The following TNNI3K variants were observed in gnomAD, a reference collection of about 807,000 sequenced individuals.
TNNI3K encodes the protein TNNI3 interacting kinase, also known as serine/threonine-protein kinase TNNI3K.
TNNI3K carries 140 observed loss-of-function variants against 114.5 expected under a neutral mutation model. That is an observed-to-expected ratio of 1.22 (90% CI 1.07 to 1.41). The LOEUF is 1.41. Ranked by LOEUF, TNNI3K falls within the 40% of genes most tolerant of loss-of-function variation. The pLI is 0.00. For synonymous variants in TNNI3K, 347 were observed against 347.5 expected, an observed-to-expected ratio of 1.00 and a Z score of 0.02; for missense variants, 1,125 against 1,007.6, an observed-to-expected ratio of 1.12 and a Z score of -1.58.
chr1:74,327,213 A>G lies in TNNI3K; in HGVS notation c.445-4237A>G, dbSNP rs548508746. ...GTAAATAAAAATATTGTAAAGGGTA[A>G]TTCATACAGTAATTGTTATACTATC... On this transcript the variant is annotated intron_variant, in intron 5 of 24. Coordinates refer to ENST00000326637, the MANE Select transcript of TNNI3K (RefSeq NM_015978.3). 3.3e-5 allele frequency among the ~76,000 whole-genome samples: 5 copies of G among 151,696 alleles called. No individual in the cohort carries two copies. In the East Asian group the frequency reaches 9.6e-4, roughly 29 times the overall value.
chr1:74,448,319 C>T (rs1666805015), intron 20 of TNNI3K, among the ~76,000 whole-genome samples: 2 of 145,700 alleles, frequency 1.4e-5, no homozygotes, highest in Admixed American at 1.4e-4. Context: ...ATTTTGTATC[C>T]TGAGACTTTG....
At chr1:74,319,142 A>C (rs1659474252) in intron 5 of TNNI3K, among the ~76,000 whole-genome samples, 1 of 152,194 alleles carries the variant, frequency 6.6e-6, no homozygotes, top group South Asian at 2.1e-4. Flanking sequence ...GGCTGTAGCC[A>C]TGTCAGTGAG....
chr1:74,257,829 G>A (rs112787449), intron 4 of TNNI3K, among the ~76,000 whole-genome samples: 2,793 of 151,812 alleles, frequency 0.018, 87 homozygotes, highest in African/African-American at 0.064. Context: ...CACCACGCCC[G>A]GCTAATTTTT....
intron 23 of TNNI3K, among the ~76,000 whole-genome samples, chr1:74,501,966 T>C (rs1408363668): frequency 6.6e-6 from 1 of 151,984 alleles, no homozygotes; most frequent in Non-Finnish European, 1.5e-5. Context: ...TTATGTAGAG[T>C]GAATTTTATT....
intron 17 of TNNI3K, among the ~76,000 whole-genome samples, chr1:74,386,175 G>A (rs552121640): frequency 3.1e-4 from 47 of 152,260 alleles, no homozygotes; most frequent in Middle Eastern, 6.8e-3. Flanking sequence ...ATGTGGAACC[G>A]TGAGTCAATT....
In TNNI3K at chr1:74,369,063, C is replaced by T. The variant is rs1296372770; in HGVS notation, c.1363C>T (p.His455Tyr). ...CCTCCTAAGAGCTGGATTGCCTTCA[C>T]ATTTCCATCTTCAGCTCTCAGAAAT... ...ILLLRAGLPS[H>Y]FHLQLSEIEF... is the part of the protein sequence containing the mutation. Residue 455 changes from histidine to tyrosine, a missense_variant, in exon 14 of 25, where the codon CAT becomes TAT. His to Tyr is a moderately conservative substitution (Grantham distance 83, BLOSUM62 2). Coordinates refer to ENST00000326637, the MANE Select transcript of TNNI3K (RefSeq NM_015978.3). 1 of 1,610,112 alleles carries T rather than the reference C, an allele frequency of 6.2e-7. No individual in the cohort carries two copies.
chr1:74,514,596 G>T lies in TNNI3K; in HGVS notation c.2351+22330G>T, dbSNP rs189886795. Among the ~76,000 whole-genome samples the T allele has an allele frequency of 1.6e-3, 242 of 152,186 alleles. 2 individuals carry two copies. Among genetic ancestry groups the T allele is most frequent in the African/African-American group, 5.4e-3 (224 of 41,512 alleles). On this transcript the variant is annotated intron_variant, in intron 23 of 24. Coordinates refer to ENST00000326637, the MANE Select transcript of TNNI3K (RefSeq NM_015978.3). ...AGGTAGATATTATCTCCATTTTGAA[G>T]ATGGGAAAACTGGTCAAAACAGGAA...
chr1:74,465,450 G>A lies in TNNI3K; in HGVS notation c.2121+1900G>A, dbSNP rs906773833. The stretch of plus-strand genomic sequence containing the variant: ...CCAGGTCCCGCAACACTGCTGGCCC[G>A]CCCGCACCGTGCTCAAATTCTCACC... On this transcript the variant is annotated intron_variant, in intron 21 of 24. Coordinates refer to ENST00000326637, the MANE Select transcript of TNNI3K (RefSeq NM_015978.3). Among the ~76,000 whole-genome samples the A allele has an allele frequency of 5.3e-5, 8 of 152,322 alleles. No homozygotes were observed. In the East Asian group the frequency reaches 5.8e-4, roughly 11 times the overall value.
intron 4 of TNNI3K, among the ~76,000 whole-genome samples, chr1:74,251,819 C>G (rs111581057): frequency 1.8e-4 from 27 of 152,140 alleles, no homozygotes; most frequent in Non-Finnish European, 4.0e-4. Flanking sequence ...TAATTCATAG[C>G]GCAAATACTC....
chr1:74,252,663 T>G (rs1655000856), intron 4 of TNNI3K, among the ~76,000 whole-genome samples: 1 of 151,940 alleles, frequency 6.6e-6, no homozygotes, highest in African/African-American at 2.4e-5. Flanking sequence ...GGCTATGGAG[T>G]GAAGCTGCAG....
intron 12 of TNNI3K, 123 bp from the exon 13 acceptor site, chr1:74,367,785 A>G (rs1050688816): frequency 1.2e-6 from 1 of 860,534 alleles, no homozygotes; most frequent in Non-Finnish European, 1.8e-6. Flanking sequence ...ATCCAGAGAA[A>G]GATTTGGGCC....
At chr1:74,524,578 G>A (rs1006909346) in intron 23 of TNNI3K, among the ~76,000 whole-genome samples, 1 of 152,108 alleles carries the variant, frequency 6.6e-6, no homozygotes, top group Non-Finnish European at 1.5e-5. Flanking sequence ...CATTTTTCTT[G>A]GTTCTAAGAG....
intron 5 of TNNI3K, among the ~76,000 whole-genome samples, chr1:74,315,047 G>A (rs1659233285): frequency 1.3e-5 from 2 of 152,078 alleles, no homozygotes; most frequent in South Asian, 2.1e-4. Flanking sequence ...GAACATTACC[G>A]GAAAGAAAAT....
intron 15 of TNNI3K, 54 bp from the exon 16 acceptor site, chr1:74,369,337 C>G: frequency 6.2e-7 from 1 of 1,606,332 alleles, no homozygotes; most frequent in Non-Finnish European, 8.5e-7. Flanking sequence ...CATGGCAAGC[C>G]CCTTGTTTGG....
At chr1:74,259,291 G>T (rs1655524363) in intron 4 of TNNI3K, among the ~76,000 whole-genome samples, 2 of 152,182 alleles carry the variant, frequency 1.3e-5, no homozygotes, top group African/African-American at 4.8e-5. Flanking sequence ...AACCAGGGGA[G>T]CCTATGGTGT....
At chr1:74,484,917 TAGG>T (rs1668674736) in intron 21 of TNNI3K, among the ~76,000 whole-genome samples, 1 of 152,118 alleles carries the variant, frequency 6.6e-6, no homozygotes, top group African/African-American at 2.4e-5. Context: ...GTAGCAAAAA[TAGG>T]AGGCAATTGT....
At chr1:74,413,823 G>A (rs1664997980) in intron 17 of TNNI3K, among the ~76,000 whole-genome samples, 1 of 152,108 alleles carries the variant, frequency 6.6e-6, no homozygotes, top group Admixed American at 6.6e-5. Flanking sequence ...TGCCAAGTTA[G>A]AACAATACAT....
chr1:74,389,365 A>G (rs977482354), intron 17 of TNNI3K, among the ~76,000 whole-genome samples: 3 of 152,244 alleles, frequency 2.0e-5, no homozygotes, highest in Non-Finnish European at 4.4e-5. Flanking sequence ...TAAGATGCAC[A>G]TAAAGATGTT....
chr1:74,372,073 GTT>G (rs1662638767), intron 17 of TNNI3K: 1 of 137,374 alleles, frequency 7.3e-6, no homozygotes, highest in South Asian at 2.4e-4. Context: ...ATTAGCAGTG[GTT>G]ACAAGATAGT....
Sources: gnomAD v4.1 joint callset for allele counts (sites outside exome capture counted in the v4.1 genomes callset) on GRCh38, gnomAD v4.1.1 for gene constraint, MANE v1.5 for transcripts, NCBI Gene and HGNC (gene_info 2026-07-23, HGNC 2026-07-21) for gene names.